ITPRID2: variants seen among roughly 807,000 people sequenced by gnomAD.
The protein encoded by ITPRID2 is protein ITPRID2.
A neutral mutation model predicts 124.3 loss-of-function variants in ITPRID2; 60 were observed. That is an observed-to-expected ratio of 0.48 (90% CI 0.39 to 0.60). The LOEUF is 0.60. ITPRID2 is among the 20% of genes least tolerant of loss of function. The pLI is 0.00. For missense variants in ITPRID2, 1,553 were observed against 1,512.2 expected, an observed-to-expected ratio of 1.03 and a Z score of -0.45; for synonymous variants, 521 against 542.9, an observed-to-expected ratio of 0.96 and a Z score of 0.56.
chr2:181,927,630 A>T (rs1282290868), intron 16 of ITPRID2, among the ~76,000 whole-genome samples: 8 of 152,162 alleles, frequency 5.3e-5, no homozygotes, highest in African/African-American at 1.4e-4. Context: ...TTATAAAATA[A>T]ATTGTACTAA....
intron 4 of ITPRID2, 27 bp from the exon 5 acceptor site, chr2:181,898,853 C>A: frequency 1.3e-6 from 2 of 1,554,896 alleles, no homozygotes; most frequent in South Asian, 1.1e-5. Context: ...AACAATTGTG[C>A]TCTACGTTTA....
At chr2:181,897,205 A>G (rs1170223103) in intron 4 of ITPRID2, among the ~76,000 whole-genome samples, 1 of 151,986 alleles carries the variant, frequency 6.6e-6, no homozygotes, top group Non-Finnish European at 1.5e-5. Flanking sequence ...CTAAATGCTT[A>G]AAGGAACAGT....
chr2:181,911,401 G>A (rs894877864), intron 9 of ITPRID2, among the ~76,000 whole-genome samples: 1 of 152,154 alleles, frequency 6.6e-6, no homozygotes, highest in Admixed American at 6.5e-5. Flanking sequence ...GCCCAGAGAG[G>A]TTTAGTGACT....
At chr2:181,897,701 TAAAA>T (rs901432438) in intron 4 of ITPRID2, among the ~76,000 whole-genome samples, 1 of 151,764 alleles carries the variant, frequency 6.6e-6, no homozygotes, top group African/African-American at 2.4e-5. Context: ...TGTACTTTTT[TAAAA>T]AAAACAAGGA....
At chr2:181,898,263 T>G (rs2125065028) in intron 4 of ITPRID2, among the ~76,000 whole-genome samples, 1 of 152,160 alleles carries the variant, frequency 6.6e-6, no homozygotes, top group Non-Finnish European at 1.5e-5. Context: ...ATAATTAATT[T>G]TATTCTTTGT....
chr2:181,924,825 C>T (rs1337358453), intron 16 of ITPRID2, among the ~76,000 whole-genome samples: 1 of 152,204 alleles, frequency 6.6e-6, no homozygotes, highest in East Asian at 1.9e-4. Flanking sequence ...CTCTTTTCTG[C>T]ATGTGCATTG....
chr2:181,909,011 A>T (rs916663956), intron 8 of ITPRID2, among the ~76,000 whole-genome samples: 1 of 152,176 alleles, frequency 6.6e-6, no homozygotes, highest in African/African-American at 2.4e-5. Context: ...GTTGACATAG[A>T]GTTAATTATG....
rs1393329208 is a variant in ITPRID2 at position 181,919,961 on chromosome 2, A to G, written c.3144+515A>G. Among the ~76,000 whole-genome samples the G allele has an allele frequency of 1.3e-5, 2 of 152,146 alleles. No homozygotes were observed. Among genetic ancestry groups the G allele is most frequent in the Non-Finnish European group, 2.9e-5 (2 of 68,006 alleles). ...CACATACATATATGTATTTTCCTAA[A>G]TATATAGATATATATCCAAGAGAAT... On this transcript the variant is annotated intron_variant, in intron 14 of 17. Coordinates refer to ENST00000431877, the MANE Select transcript of ITPRID2 (RefSeq NM_001130445.3). This position sits in a 1 kb window ranked among gnomAD's most constrained non-coding sequence, Gnocchi z 4.2.
At position 181,915,368 on chromosome 2, in the gene ITPRID2, G is replaced by T. The variant is rs1693947542; in HGVS notation, c.1728G>T (p.Gln576His). The T allele has an allele frequency of 6.2e-7, 1 of 1,614,046 alleles. No homozygotes were observed. The highest frequency in any genetic ancestry group is 1.3e-5 in the African/African-American group (1 of 74,896). Residue 576 changes from glutamine (Q) to histidine (H), a missense_variant, in exon 11 of 18, where the codon CAG (glutamine) becomes CAT (histidine). By Grantham distance (24) the Gln-to-His change is conservative. Transcript: ENST00000431877. ...ESEEESLVPL[Q>H]KGLEKAAAVA... Reference sequence around the variant, plus strand: ...AGGAGGAGTCTCTTGTCCCTCTTCAGAAGGGACTAGAGAAGGCAGCAGCAG... The same window carrying T: ...AGGAGGAGTCTCTTGTCCCTCTTCATAAGGGACTAGAGAAGGCAGCAGCAG...
Position 181,900,758 on chromosome 2 carries a change from T to G in ITPRID2, c.566T>G (p.Phe189Cys). Residue 189 changes from phenylalanine (F) to cysteine (C), a missense_variant, in exon 7 of 18, where the codon TTT becomes TGT. Physicochemically the swap from Phe to Cys is radical, Grantham distance 205. Coordinates refer to ENST00000431877, the MANE Select transcript of ITPRID2 (RefSeq NM_001130445.3). The stretch of plus-strand genomic sequence containing the variant: ...GAAGAAATTCTTTATAATCTTGGAT[T>G]TGGACGTGATGAACCAGATATTGCT... Reference protein sequence around the residue: ...DPEEILYNLGFGRDEPDIASK... With the variant: ...DPEEILYNLGCGRDEPDIASK... 2 of 1,613,286 alleles carry G rather than the reference T, an allele frequency of 1.2e-6. No homozygotes were observed. Among genetic ancestry groups the G allele is most frequent in the Non-Finnish European group, 1.7e-6 (2 of 1,179,644 alleles).
intron 10 of ITPRID2, among the ~76,000 whole-genome samples, chr2:181,914,644 T>C (rs1246423160): frequency 1.3e-5 from 2 of 152,212 alleles, no homozygotes; most frequent in Non-Finnish European, 2.9e-5. Flanking sequence ...GGTTTTCAAA[T>C]ATGAATGATA....
Position 181,904,866 on chromosome 2 carries a change from G to A in ITPRID2, c.1413+2400G>A, listed in dbSNP as rs144983597. Among the ~76,000 whole-genome samples the A allele has an allele frequency of 2.8e-4, 43 of 152,210 alleles. 1 individual carries two copies. In the East Asian group the frequency reaches 8.3e-3, roughly 29 times the overall value. On this transcript the variant is annotated intron_variant, in intron 8 of 17. Coordinates refer to ENST00000431877, the MANE Select transcript of ITPRID2 (RefSeq NM_001130445.3). ...ATCCAACAGTCACCAGAAGCAAAGA[G>A]ACAAAATACTTAAATGTAAAGAGAG...
intron 7 of ITPRID2, 152 bp from the exon 8 acceptor site, chr2:181,901,614 A>C: frequency 2.0e-6 from 1 of 488,996 alleles, no homozygotes; most frequent in Non-Finnish European, 3.3e-6. Flanking sequence ...AATGTAGAGA[A>C]GGTTTAAGTG....
chr2:181,900,980 C>A, intron 7 of ITPRID2, 76 bp downstream of exon 7: 1 of 1,206,236 alleles, frequency 8.3e-7, no homozygotes, highest in Non-Finnish European at 1.1e-6. Flanking sequence ...ATTTTAAAGC[C>A]TTAATTTTCA....
intron 4 of ITPRID2, among the ~76,000 whole-genome samples, chr2:181,897,834 C>T (rs1692331073): frequency 6.6e-6 from 1 of 151,854 alleles, no homozygotes; most frequent in Admixed American, 6.6e-5. Context: ...TTATTTAGAA[C>T]CTTCTAACAT....
At chr2:181,926,698 G>C (rs950429899) in intron 16 of ITPRID2, among the ~76,000 whole-genome samples, 2 of 144,104 alleles carry the variant, frequency 1.4e-5, no homozygotes, top group African/African-American at 5.2e-5. Flanking sequence ...GGGTGACAGA[G>C]TGAGAATCCA....
chr2:181,916,470 G>A, intron 11 of ITPRID2, 43 bp downstream of exon 11: 1 of 1,568,298 alleles, frequency 6.4e-7, no homozygotes. Flanking sequence ...TTCTTTTACT[G>A]CTCTGAGCAC....
chr2:181,902,204 A>T lies in ITPRID2; in HGVS notation c.1151A>T (p.Asn384Ile). ...AGTGATAGAATTTCTGATGAAGCAAATAGTAATTTTAACCAAGGAACTGAA... is the reference window on the plus strand; with the variant it reads ...AGTGATAGAATTTCTGATGAAGCAATTAGTAATTTTAACCAAGGAACTGAA... ...ADSDRISDEA[N>I]SNFNQGTENE... The change falls in exon 8 of 18, where the codon AAT becomes ATT. Residue 384 changes from asparagine (N) to isoleucine (I), a missense_variant. By Grantham distance (149) the Asn-to-Ile change is moderately radical. Transcript: ENST00000431877. The surrounding 1 kb of genome is among the most constrained non-coding windows in gnomAD (Gnocchi z 4.4). The T allele has an allele frequency of 1.9e-6, 3 of 1,613,662 alleles. No homozygotes were observed. The highest frequency in any genetic ancestry group is 8.5e-7 in the Non-Finnish European group (1 of 1,179,702).
At chr2:181,922,614 C>T (rs1230297392) in intron 16 of ITPRID2, among the ~76,000 whole-genome samples, 6 of 152,154 alleles carry the variant, frequency 3.9e-5, no homozygotes, top group Non-Finnish European at 1.5e-5. Context: ...ATTTCATACT[C>T]TAATGTGAAA....
Sources: gnomAD v4.1 joint callset for allele counts (sites outside exome capture counted in the v4.1 genomes callset) on GRCh38, gnomAD v4.1.1 for gene constraint, Gnocchi (gnomAD v3.1) non-coding constraint, MANE v1.5 for transcripts, NCBI Gene and HGNC (gene_info 2026-07-23, HGNC 2026-07-21) for gene names.